Variants in MKLN1 observed in about 807,000 individuals in gnomAD.
MKLN1 encodes the protein muskelin.
MKLN1 carries 18 observed loss-of-function variants against 99.0 expected under a neutral mutation model. The observed-to-expected ratio is 0.18, with a 90% CI of 0.13 to 0.27. The LOEUF (loss-of-function observed/expected upper bound fraction) is 0.27, where lower values mean the gene tolerates loss of function less well. MKLN1 is among the 10% of genes least tolerant of loss of function. The pLI is 1.00. For missense variants in MKLN1, 621 were observed against 875.9 expected (o/e 0.71, Z 3.67); for synonymous variants, 288 against 293.2 (o/e 0.98, Z 0.18).
At position 131,196,833 on chromosome 7, in the gene MKLN1, G is replaced by GA. The variant is rs72433929; in HGVS notation, c.-296-6015dup. Among the ~76,000 whole-genome samples, 479 of 150,694 alleles carry GA rather than the reference G, an allele frequency of 3.2e-3. 4 individuals are homozygous for GA. Among genetic ancestry groups the GA allele is most frequent in the Non-Finnish European group, 3.7e-3 (252 of 67,560 alleles). ...AAAAGAAAAGCAACATGTAAATCAGGAAAAAAAAATCCCCATTGGGAATGG... is the reference window on the plus strand; with the variant it reads ...AAAAGAAAAGCAACATGTAAATCAGGAAAAAAAAAATCCCCATTGGGAATGG... On this transcript the variant is annotated intron_variant, in intron 2 of 7. Transcript: ENST00000416992.
intron 3 of MKLN1, among the ~76,000 whole-genome samples, chr7:131,255,190 C>T (rs1371399237): frequency 6.6e-6 from 1 of 152,130 alleles, no homozygotes; most frequent in African/African-American, 2.4e-5. Flanking sequence ...GATCCTCCTG[C>T]CTCAGCCTCC....
intron 1 of MKLN1, among the ~76,000 whole-genome samples, chr7:131,342,318 CT>C (rs370025692): frequency 5.5e-4 from 83 of 152,220 alleles, no homozygotes; most frequent in African/African-American, 1.9e-3. Context: ...AGTCCTTTAT[CT>C]TCCTTATTTT....
intron 1 of MKLN1, among the ~76,000 whole-genome samples, chr7:131,126,474 G>A (rs1237860135): frequency 6.6e-6 from 1 of 152,286 alleles, no homozygotes; most frequent in African/African-American, 2.4e-5. Flanking sequence ...TTTCTAAAAT[G>A]AGAATGTAGG....
At chr7:131,339,170 A>T (rs955114018) in intron 1 of MKLN1, among the ~76,000 whole-genome samples, 1 of 152,220 alleles carries the variant, frequency 6.6e-6, no homozygotes, top group Admixed American at 6.5e-5. Flanking sequence ...GTCAAAAGTC[A>T]TACATGGCTT....
At chr7:131,327,502 G>A, upstream of MKLN1, 1 of 180,308 alleles carries the variant, frequency 5.5e-6, no homozygotes, top group Non-Finnish European at 1.2e-5. Context: ...GGCGAGGGCG[G>A]TGGCTTCCAA....
chr7:131,147,491 C>T (rs1795832100), intron 2 of MKLN1, among the ~76,000 whole-genome samples: 1 of 152,172 alleles, frequency 6.6e-6, no homozygotes, highest in South Asian at 2.1e-4. Context: ...TAGGTGAGCT[C>T]CCCAGGGTCA....
chr7:131,350,344 G>A (rs1050007804), intron 1 of MKLN1, among the ~76,000 whole-genome samples: 2 of 151,816 alleles, frequency 1.3e-5, no homozygotes, highest in African/African-American at 4.8e-5. Flanking sequence ...ACAGGCATGA[G>A]CCGCTGCACC....
intron 16 of MKLN1, among the ~76,000 whole-genome samples, chr7:131,473,138 T>TG (rs993981007): frequency 2.0e-5 from 3 of 152,102 alleles, no homozygotes; most frequent in Non-Finnish European, 4.4e-5. Context: ...ACAGTCTGTT[T>TG]GGGGGGAAGA....
chr7:131,446,846 A>T (rs533743590), intron 12 of MKLN1, among the ~76,000 whole-genome samples: 1 of 152,342 alleles, frequency 6.6e-6, no homozygotes, highest in Admixed American at 6.5e-5. Flanking sequence ...CGGACATGGG[A>T]GGATTGCTTG....
At chr7:131,137,422 G>A (rs56914059) in intron 1 of MKLN1, among the ~76,000 whole-genome samples, 21,008 of 152,134 alleles carry the variant, frequency 0.14, 1,694 homozygotes, top group East Asian at 0.3. Context: ...GGAAAGGGGA[G>A]TGATCCATCC....
chr7:131,143,889 C>G (rs771398988), intron 2 of MKLN1, among the ~76,000 whole-genome samples: 4 of 152,162 alleles, frequency 2.6e-5, no homozygotes, highest in Non-Finnish European at 5.9e-5. Flanking sequence ...GCTGCCCACT[C>G]TGGGCCAGTT....
At chr7:131,410,284 G>C (rs1380410902) in intron 6 of MKLN1, among the ~76,000 whole-genome samples, 1 of 152,138 alleles carries the variant, frequency 6.6e-6, no homozygotes. Flanking sequence ...CCATTTAAGA[G>C]CTGTGTGATT....
chr7:131,412,935 CTATTT>C (rs1794919571), intron 7 of MKLN1, among the ~76,000 whole-genome samples: 1 of 152,166 alleles, frequency 6.6e-6, no homozygotes, highest in South Asian at 2.1e-4. Context: ...CATCATTCTC[CTATTT>C]TATCAGTCAT....
chr7:131,305,398 A>G (rs570989768), intron 3 of MKLN1, among the ~76,000 whole-genome samples: 1 of 152,228 alleles, frequency 6.6e-6, no homozygotes, highest in Non-Finnish European at 1.5e-5. Flanking sequence ...CTTAGTTCCC[A>G]TATAGCAACT....
At chr7:131,227,799 C>A (rs560928722) in intron 3 of MKLN1, among the ~76,000 whole-genome samples, 24 of 152,222 alleles carry the variant, frequency 1.6e-4, no homozygotes, top group African/African-American at 5.3e-4. Flanking sequence ...CTCCTGGCCT[C>A]AAGGAATCTG....
chr7:131,285,050 C>G (rs537208576), intron 3 of MKLN1: 1 of 152,270 alleles, frequency 6.6e-6, no homozygotes, highest in African/African-American at 2.4e-5. Flanking sequence ...CCAGCCTCCC[C>G]GCTTTTCCAG....
rs34071524 is a variant in MKLN1, at chr7:131,216,422, C to CA, written c.-179+13463dup. Among the ~76,000 whole-genome samples, 96 of 116,328 alleles carry CA rather than the reference C, an allele frequency of 8.3e-4. 1 individual carries two copies. The highest frequency in any genetic ancestry group is 1.3e-3 in the African/African-American group (40 of 30,106). The allele number at this position is 116,328 out of a possible 152,430, so 76.3% of individuals were successfully genotyped here. A position where few individuals can be genotyped will look rare whatever the true frequency, so the allele number is the denominator to read the frequency against. On this transcript the variant is annotated intron_variant, in intron 3 of 7. Coordinates refer to the MKLN1 transcript ENST00000416992. ...TGGGCGACAGACTGAGTCTCTGACTCAAAAAAAAAAAAAAAGAAAAAAAAG... is the reference window on the plus strand; with the variant it reads ...TGGGCGACAGACTGAGTCTCTGACTCAAAAAAAAAAAAAAAAGAAAAAAAAG...
intron 1 of MKLN1, among the ~76,000 whole-genome samples, chr7:131,364,155 A>G (rs1360677218): frequency 6.6e-6 from 1 of 152,160 alleles, no homozygotes; most frequent in Non-Finnish European, 1.5e-5. Flanking sequence ...AAATTGATTT[A>G]AGAGTTGATC....
intron 1 of MKLN1, among the ~76,000 whole-genome samples, chr7:131,337,811 A>G (rs1799294461): frequency 6.6e-6 from 1 of 151,538 alleles, no homozygotes; most frequent in Non-Finnish European, 1.5e-5. Flanking sequence ...GGATAATAAC[A>G]TAATAGTAAT....
Sources: gnomAD v4.1 joint callset for allele counts (sites outside exome capture counted in the v4.1 genomes callset) on GRCh38, gnomAD v4.1.1 for gene constraint, MANE v1.5 for transcripts, NCBI Gene and HGNC (gene_info 2026-07-23, HGNC 2026-07-21) for gene names.